Variants in CLVS1 observed in about 807,000 individuals in gnomAD.
The protein encoded by CLVS1 is clavesin-1.
In CLVS1, 10 loss-of-function variants were observed where a neutral mutation model predicts 33.1. That is an observed-to-expected ratio of 0.30 (90% CI 0.19 to 0.51). The LOEUF (loss-of-function observed/expected upper bound fraction) is 0.51. Ranked by LOEUF, CLVS1 falls within the 20% of genes least tolerant of loss-of-function variation. The pLI, the probability that CLVS1 is intolerant of heterozygous loss-of-function variation, is 0.97. For synonymous variants in CLVS1, 163 were observed against 166.1 expected (o/e 0.98, Z 0.14); for missense variants, 343 against 433.4 (o/e 0.79, Z 1.85).
At chr8:61,254,119 T>G (rs545747917) in intron 2 of CLVS1, among the ~76,000 whole-genome samples, 53 of 152,336 alleles carry the variant, frequency 3.5e-4, no homozygotes, top group African/African-American at 1.2e-3. Context: ...CCTTTCTGTT[T>G]GTTTGTTTTC....
At chr8:61,441,423 G>A (rs978679844) in intron 3 of CLVS1, among the ~76,000 whole-genome samples, 5 of 152,110 alleles carry the variant, frequency 3.3e-5, no homozygotes, top group Non-Finnish European at 5.9e-5. Context: ...GAGGGAGTTC[G>A]TTGTATTTGC....
chr8:61,121,475 G>C (rs1003167384), intron 1 of CLVS1, among the ~76,000 whole-genome samples: 2 of 152,172 alleles, frequency 1.3e-5, no homozygotes, highest in African/African-American at 4.8e-5. Flanking sequence ...GTGAATGCGT[G>C]TATCTGTTTG....
At chr8:61,090,913 G>A (rs759671443) in intron 1 of CLVS1, 2 of 518,898 alleles carry the variant, frequency 3.9e-6, no homozygotes, top group East Asian at 1.1e-4. Context: ...GATGTTGGGG[G>A]ACCTTGAAAT....
chr8:61,494,099 T>TTG (rs1327749137), intron 5 of CLVS1, among the ~76,000 whole-genome samples: 1 of 152,186 alleles, frequency 6.6e-6, no homozygotes, highest in Non-Finnish European at 1.5e-5. Context: ...CTCAGTCCAG[T>TTG]TGTAGGTCTG....
intron 2 of CLVS1, among the ~76,000 whole-genome samples, chr8:61,376,055 C>G (rs1813626107): frequency 6.6e-6 from 1 of 152,186 alleles, no homozygotes; most frequent in Non-Finnish European, 1.5e-5. Context: ...TTATTTTTCT[C>G]TATCCAAGAG....
At position 61,118,582 on chromosome 8, in the gene CLVS1, C is replaced by T. The variant is rs1397263484; in HGVS notation, c.-242-13188C>T. Among the ~76,000 whole-genome samples the T allele has an allele frequency of 2.2e-4, 34 of 151,634 alleles. 1 individual carries two copies. The East Asian group carries it at 3.9e-3, about 17-fold the overall frequency. On this transcript the variant is annotated intron_variant, in intron 1 of 2. Coordinates refer to the CLVS1 transcript ENST00000522621. ...TTCTGGTATGTTGTGTCTTTGTTCT[C>T]ATTGGTTTCAAAGAACATCTTTATT...
At chr8:61,172,162 C>G (rs1005917858) in intron 2 of CLVS1, among the ~76,000 whole-genome samples, 2 of 152,086 alleles carry the variant, frequency 1.3e-5, no homozygotes, top group Admixed American at 6.6e-5. Context: ...TTTCGTTAAC[C>G]ACTGCATCTT....
At chr8:61,287,886 C>A, upstream of CLVS1, 1 of 344,584 alleles carries the variant, frequency 2.9e-6, no homozygotes, top group South Asian at 2.2e-5. Flanking sequence ...CTCAACGGAA[C>A]CAGGGAGGGT....
intron 2 of CLVS1, among the ~76,000 whole-genome samples, chr8:61,171,331 AG>A (rs1806992371): frequency 6.6e-6 from 1 of 152,200 alleles, no homozygotes; most frequent in South Asian, 2.1e-4. Flanking sequence ...AGTATGTTGG[AG>A]GAGGGCCAAT....
chr8:61,090,977 T>A, intron 1 of CLVS1: 2 of 467,314 alleles, frequency 4.3e-6, no homozygotes, highest in Non-Finnish European at 4.2e-6. Flanking sequence ...GTAGACTGAT[T>A]AATGACCCAT....
intron 5 of CLVS1, among the ~76,000 whole-genome samples, chr8:61,485,993 T>A (rs1172728178): frequency 3.9e-5 from 6 of 152,108 alleles, no homozygotes; most frequent in Non-Finnish European, 7.4e-5. Context: ...TTATACCTAA[T>A]GTAAATGACG....
At chr8:61,488,361 C>T (rs1803952661) in intron 5 of CLVS1, among the ~76,000 whole-genome samples, 1 of 152,176 alleles carries the variant, frequency 6.6e-6, no homozygotes, top group South Asian at 2.1e-4. Context: ...TGAATGCTCT[C>T]ACACTTCAAG....
At chr8:61,349,493 G>A (rs922371088) in intron 2 of CLVS1, among the ~76,000 whole-genome samples, 2 of 152,026 alleles carry the variant, frequency 1.3e-5, no homozygotes, top group African/African-American at 4.8e-5. Flanking sequence ...TGTGCTTGGG[G>A]TGGTGCCATC....
chr8:61,351,515 AAG>A (rs925311116), intron 2 of CLVS1, among the ~76,000 whole-genome samples: 33 of 152,286 alleles, frequency 2.2e-4, no homozygotes, highest in African/African-American at 7.9e-4. Context: ...AGTGGAATGA[AAG>A]AGTATTTGAA....
At chr8:61,353,501 C>A (rs538247197) in intron 2 of CLVS1, among the ~76,000 whole-genome samples, 16 of 151,458 alleles carry the variant, frequency 1.1e-4, no homozygotes, top group African/African-American at 3.6e-4. Flanking sequence ...ATTTATAGAT[C>A]AAAAAAGAAG....
At chr8:61,321,350 T>C (rs776177699) in intron 2 of CLVS1, among the ~76,000 whole-genome samples, 2 of 152,112 alleles carry the variant, frequency 1.3e-5, no homozygotes, top group African/African-American at 2.4e-5. Context: ...CTGAGGAGTC[T>C]GAGAACAACC....
At chr8:61,301,467 C>A (rs929304698) in intron 2 of CLVS1, among the ~76,000 whole-genome samples, 2 of 152,164 alleles carry the variant, frequency 1.3e-5, no homozygotes, top group Non-Finnish European at 2.9e-5. Context: ...TTCTCAGGCG[C>A]CCCACCTCTG....
At chr8:61,401,776 C>T (rs1814773483) in intron 3 of CLVS1, among the ~76,000 whole-genome samples, 1 of 152,106 alleles carries the variant, frequency 6.6e-6, no homozygotes, top group East Asian at 1.9e-4. Flanking sequence ...GTAAAAAGAA[C>T]AAAGCTGGAA....
chr8:61,118,519 A>AT (rs1805789668), intron 1 of CLVS1, among the ~76,000 whole-genome samples: 1 of 149,904 alleles, frequency 6.7e-6, no homozygotes, highest in Admixed American at 6.6e-5. Context: ...AGTGCTATAA[A>AT]TTTCCCTCTA....
Sources: allele counts gnomAD v4.1 joint callset (sites outside exome capture counted in the v4.1 genomes callset), GRCh38; gene constraint gnomAD v4.1.1; transcripts MANE v1.5; gene names NCBI Gene and HGNC (gene_info 2026-07-23, HGNC 2026-07-21).